AGBL4: variants seen among roughly 807,000 people sequenced by gnomAD.
AGBL4 encodes the protein cytosolic carboxypeptidase 6.
AGBL4 carries 58 observed loss-of-function variants against 66.4 expected under a neutral mutation model. That is an observed-to-expected ratio of 0.87 (90% CI 0.71 to 1.09). AGBL4 has a LOEUF of 1.09. Among genes scored for constraint, AGBL4 ranks in the 50% least tolerant of loss-of-function variants. The pLI, the probability that AGBL4 is intolerant of heterozygous loss-of-function variation, is 0.00. For missense variants in AGBL4, 579 were observed against 631.0 expected (o/e 0.92, Z 0.88); for synonymous variants, 234 against 222.9 (o/e 1.05, Z -0.44).
chr1:49,700,990 GA>G (rs1483402156), intron 2 of AGBL4, among the ~76,000 whole-genome samples: 1 of 152,008 alleles, frequency 6.6e-6, no homozygotes, highest in African/African-American at 2.4e-5. Flanking sequence ...TTGATACTTT[GA>G]AATAGACTTT....
chr1:49,206,859 TGGAGA>T (rs71056687), intron 4 of AGBL4, among the ~76,000 whole-genome samples: 8,609 of 63,600 alleles, frequency 0.14, 809 homozygotes, highest in African/African-American at 0.23. Flanking sequence ...AGACTTTAGA[TGGAGA>T]GGAGAGGAGA....
intron 1 of AGBL4, among the ~76,000 whole-genome samples, chr1:49,919,413 C>T (rs1426577923): frequency 6.6e-6 from 1 of 152,112 alleles, no homozygotes; most frequent in East Asian, 1.9e-4. Context: ...AATCAATGTG[C>T]AAAAATCACA....
intron 3 of AGBL4, among the ~76,000 whole-genome samples, chr1:49,274,861 T>C (rs1038524147): frequency 6.6e-6 from 1 of 152,200 alleles, no homozygotes. Context: ...AACTTTTTAA[T>C]TTAAAACATT....
At chr1:48,859,960 C>T (rs1479193840) in intron 6 of AGBL4, among the ~76,000 whole-genome samples, 1 of 151,980 alleles carries the variant, frequency 6.6e-6, no homozygotes, top group Non-Finnish European at 1.5e-5. Context: ...TATAAGATTC[C>T]CTCTTAGAGA....
chr1:49,124,023 G>T (rs1645716339), intron 4 of AGBL4, among the ~76,000 whole-genome samples: 3 of 152,166 alleles, frequency 2.0e-5, no homozygotes, highest in Admixed American at 1.3e-4. Flanking sequence ...CATGTAGTTG[G>T]ATCATTTTTA....
At chr1:49,596,249 C>T (rs192397002) in intron 3 of AGBL4, among the ~76,000 whole-genome samples, 139 of 152,268 alleles carry the variant, frequency 9.1e-4, no homozygotes, top group Non-Finnish European at 1.4e-3. Context: ...CTCACTGCAA[C>T]CTCTGCCTCA....
intron 3 of AGBL4, among the ~76,000 whole-genome samples, chr1:49,516,361 A>T (rs1222417152): frequency 1.3e-5 from 2 of 152,082 alleles, no homozygotes; most frequent in Non-Finnish European, 2.9e-5. Context: ...AAAGAAGGTA[A>T]CAACTAAACT....
intron 12 of AGBL4, among the ~76,000 whole-genome samples, chr1:48,536,012 G>T (rs1643965081): frequency 1.3e-5 from 2 of 152,088 alleles, no homozygotes; most frequent in Admixed American, 6.6e-5. Context: ...AGCCAGACAT[G>T]CATAGAAGCC....
chr1:48,652,435 C>A (rs938369364), intron 8 of AGBL4, among the ~76,000 whole-genome samples: 1 of 152,134 alleles, frequency 6.6e-6, no homozygotes, highest in Non-Finnish European at 1.5e-5. Context: ...GTCTGGGGAA[C>A]TGGGCTTTCC....
intron 6 of AGBL4, among the ~76,000 whole-genome samples, chr1:48,822,662 G>A (rs1646341980): frequency 6.6e-6 from 1 of 152,134 alleles, no homozygotes; most frequent in Admixed American, 6.5e-5. Flanking sequence ...ATTGAGTATT[G>A]TGATTCCTCC....
At chr1:49,480,979 G>A (rs1411782753) in intron 3 of AGBL4, among the ~76,000 whole-genome samples, 1 of 151,908 alleles carries the variant, frequency 6.6e-6, no homozygotes, top group Non-Finnish European at 1.5e-5. Context: ...GTTCTGTGTT[G>A]TGTTCCATTG....
intron 5 of AGBL4, among the ~76,000 whole-genome samples, chr1:48,998,380 C>T (rs1661167388): frequency 6.6e-6 from 1 of 152,146 alleles, no homozygotes; most frequent in African/African-American, 2.4e-5. Context: ...CTATAGCCTG[C>T]CCATCTGATA....
intron 2 of AGBL4, among the ~76,000 whole-genome samples, chr1:49,830,786 A>G (rs1056418523): frequency 6.6e-6 from 1 of 152,122 alleles, no homozygotes; most frequent in Non-Finnish European, 1.5e-5. Flanking sequence ...ATTTTTGTAT[A>G]AGGTGTAAGG....
intron 2 of AGBL4, among the ~76,000 whole-genome samples, chr1:49,832,444 C>T (rs1211018659): frequency 5.3e-5 from 8 of 149,708 alleles, no homozygotes; most frequent in African/African-American, 1.5e-4. Flanking sequence ...GTGAATAGTG[C>T]CACAATAAAC....
rs140792816 is a variant in AGBL4 at position 49,144,400 on chromosome 1, C to T, written c.378-98600G>A. Among the ~76,000 whole-genome samples the T allele has an allele frequency of 1.4e-3, 209 of 151,006 alleles. 1 individual carries two copies. The highest frequency in any genetic ancestry group is 4.8e-3 in the African/African-American group (198 of 41,076). On this transcript the variant is annotated intron_variant, in intron 4 of 13. Coordinates refer to ENST00000371839, the MANE Select transcript of AGBL4 (RefSeq NM_032785.4). The stretch of plus-strand genomic sequence containing the variant: ...GGGTTGCTCTTCTGTATTCCAGCAC[C>T]GAACACAAAATAGACATTTCATAAT...
At chr1:48,591,560 C>T (rs1644919489) in intron 9 of AGBL4, among the ~76,000 whole-genome samples, 1 of 152,054 alleles carries the variant, frequency 6.6e-6, no homozygotes, top group African/African-American at 2.4e-5. Context: ...GAATCAAACA[C>T]AGCAATAATA....
chr1:48,678,231 G>T (rs899181565), intron 6 of AGBL4, among the ~76,000 whole-genome samples: 1 of 146,816 alleles, frequency 6.8e-6, no homozygotes, highest in African/African-American at 2.5e-5. Flanking sequence ...CACCCATCCC[G>T]CCGCCCCCGC....
chr1:49,829,200 C>T (rs1185818740), intron 2 of AGBL4, among the ~76,000 whole-genome samples: 2 of 151,804 alleles, frequency 1.3e-5, no homozygotes, highest in Admixed American at 6.6e-5. Context: ...TCTTAATGGA[C>T]GGATGGATGA....
rs1026848674 is a variant in AGBL4 at position 49,496,681 on chromosome 1, A to C, written c.282+200632T>G. Reference sequence around the variant, plus strand: ...AGCATTATGTCCTCAAGGTCCATCCATCTTGTCACAAATGACAGGATTTCC... The same window carrying C: ...AGCATTATGTCCTCAAGGTCCATCCCTCTTGTCACAAATGACAGGATTTCC... On this transcript the variant is annotated intron_variant, in intron 3 of 13. Transcript: ENST00000371839. Among the ~76,000 whole-genome samples, 6 of 146,828 alleles carry C rather than the reference A, an allele frequency of 4.1e-5. No homozygotes were observed. The East Asian group carries it at 1.2e-3, about 29-fold the overall frequency.
Sources: allele counts gnomAD v4.1 joint callset (sites outside exome capture counted in the v4.1 genomes callset), GRCh38; gene constraint gnomAD v4.1.1; transcripts MANE v1.5; gene names NCBI Gene and HGNC (gene_info 2026-07-23, HGNC 2026-07-21).